STK33: variants seen among roughly 807,000 people sequenced by gnomAD.
STK33 encodes the protein serine/threonine kinase 33.
STK33 carries 52 observed loss-of-function variants against 58.0 expected under a neutral mutation model. The observed-to-expected ratio is 0.90, with a 90% CI of 0.72 to 1.13. The LOEUF (loss-of-function observed/expected upper bound fraction) is 1.13. STK33 is among the 50% of genes most tolerant of loss of function. The probability of loss-of-function intolerance (pLI) is 0.00; values close to 1 mark genes in which losing one functional copy is unlikely to be tolerated. For missense variants in STK33, 630 were observed against 604.2 expected, an observed-to-expected ratio of 1.04 and a Z score of -0.45; for synonymous variants, 215 against 200.1, an observed-to-expected ratio of 1.07 and a Z score of -0.63.
intron 2 of STK33, among the ~76,000 whole-genome samples, chr11:8,477,534 T>C (rs553301732): frequency 3.8e-4 from 58 of 152,312 alleles, no homozygotes; most frequent in African/African-American, 1.3e-3. Context: ...TTTATTTAAC[T>C]GCAGCTGAGT....
intron 7 of STK33, among the ~76,000 whole-genome samples, chr11:8,464,265 G>C (rs1947903926): frequency 6.6e-6 from 1 of 152,194 alleles, no homozygotes; most frequent in Non-Finnish European, 1.5e-5. Context: ...GGTTCAACAT[G>C]AAAGAGCAGG....
At chr11:8,586,045 C>T (rs756713921) in intron 1 of STK33, among the ~76,000 whole-genome samples, 16 of 151,590 alleles carry the variant, frequency 1.1e-4, no homozygotes, top group Non-Finnish European at 2.1e-4. Context: ...AAGAGCAAAA[C>T]TCCATCTCAA....
chr11:8,353,213 C>T, the STK33 span, among the ~76,000 whole-genome samples: 2 of 152,188 alleles, frequency 1.3e-5, no homozygotes, highest in African/African-American at 4.8e-5. Context: ...CCTCAGGACC[C>T]AGGGCTCACA....
At chr11:8,354,839 C>A in the STK33 span, among the ~76,000 whole-genome samples, 2 of 152,174 alleles carry the variant, frequency 1.3e-5, no homozygotes, top group Non-Finnish European at 1.5e-5. Context: ...GGGTTGCTGG[C>A]TGGGCGCCGG....
At chr11:8,558,256 T>G (rs1956896734) in intron 1 of STK33, among the ~76,000 whole-genome samples, 1 of 152,136 alleles carries the variant, frequency 6.6e-6, no homozygotes, top group African/African-American at 2.4e-5. Flanking sequence ...CAGCATAAAT[T>G]TGTTCAAAGA....
intron 1 of STK33, among the ~76,000 whole-genome samples, chr11:8,532,123 T>C (rs1228115699): frequency 6.6e-6 from 1 of 152,204 alleles, no homozygotes; most frequent in African/African-American, 2.4e-5. Flanking sequence ...TAAACACACA[T>C]TCCTGGGCCC....
intron 1 of STK33, among the ~76,000 whole-genome samples, chr11:8,556,863 G>A (rs533291043): frequency 2.0e-5 from 3 of 152,270 alleles, no homozygotes; most frequent in South Asian, 4.1e-4. Context: ...GAATGAAGAA[G>A]AGAAGAACAG....
intron 6 of STK33, among the ~76,000 whole-genome samples, chr11:8,467,845 T>C (rs1026492067): frequency 1.3e-5 from 2 of 152,056 alleles, no homozygotes; most frequent in Admixed American, 1.3e-4. Context: ...CTTGGGAGGC[T>C]GAGGCACACG....
At chr11:8,377,928 C>T in the STK33 span, among the ~76,000 whole-genome samples, 3 of 152,238 alleles carry the variant, frequency 2.0e-5, no homozygotes, top group South Asian at 4.1e-4. Context: ...AAGAGAACTA[C>T]AAAAACTGCT....
At chr11:8,434,975 G>A (rs115800069) in intron 14 of STK33, among the ~76,000 whole-genome samples, 2 of 152,318 alleles carry the variant, frequency 1.3e-5, no homozygotes, top group African/African-American at 4.8e-5. Context: ...ATGTTCGGGT[G>A]CAGGGATACG....
intron 1 of STK33, among the ~76,000 whole-genome samples, chr11:8,512,354 G>T (rs1952403731): frequency 6.6e-6 from 1 of 151,938 alleles, no homozygotes; most frequent in African/African-American, 2.4e-5. Context: ...ATCAACCAGA[G>T]TCTCTAAAAA....
rs200899066 is a variant in STK33, at chr11:8,474,771, T to C, written c.135A>G (p.Thr45=). ...PPVLVVEMSQ[T]SSIGSAESLI... Reference sequence around the variant, plus strand: ...AAGATTCTGCACTACCAATGCTTGATGTCTGTGACATTTCCACCACCAAAA... The same window carrying C: ...AAGATTCTGCACTACCAATGCTTGACGTCTGTGACATTTCCACCACCAAAA... Residue 45 remains threonine, a synonymous_variant, in exon 5 of 16, where the codon ACA becomes ACG. Coordinates refer to ENST00000687296, the MANE Select transcript of STK33 (RefSeq NM_001352389.2). 42 of 1,613,730 alleles carry C rather than the reference T, an allele frequency of 2.6e-5. 1 individual carries two copies. In the South Asian group the frequency reaches 4.1e-4, roughly 16 times the overall value.
At chr11:8,476,363 A>G (rs147812858) in intron 4 of STK33, among the ~76,000 whole-genome samples, 157 of 152,372 alleles carry the variant, frequency 1.0e-3, no homozygotes, top group African/African-American at 3.7e-3. Flanking sequence ...GAAAAACATA[A>G]TTAAAGAGTA....
chr11:8,459,849 A>G (rs962149361), intron 8 of STK33, among the ~76,000 whole-genome samples: 4 of 152,178 alleles, frequency 2.6e-5, no homozygotes, highest in African/African-American at 9.7e-5. Flanking sequence ...ATGAATCAAC[A>G]CATGTGTATG....
intron 15 of STK33, among the ~76,000 whole-genome samples, chr11:8,406,113 AGGCTGGGTGACAGAGCGAGACT>A (rs1939130364): frequency 7.3e-6 from 1 of 137,370 alleles, no homozygotes; most frequent in Non-Finnish European, 1.5e-5. Context: ...ACCGCACTCC[AGGCTGGGTGACAGAGCGAGACT>A]CCGTCTCAAA....
At chr11:8,578,582 T>C (rs556696767) in intron 1 of STK33, among the ~76,000 whole-genome samples, 3 of 151,864 alleles carry the variant, frequency 2.0e-5, no homozygotes, top group Non-Finnish European at 2.9e-5. Context: ...GTATACCACA[T>C]ATGTACATTT....
chr11:8,460,945 G>C (rs1484520921), intron 8 of STK33, among the ~76,000 whole-genome samples: 2 of 152,170 alleles, frequency 1.3e-5, no homozygotes, highest in African/African-American at 4.8e-5. Flanking sequence ...TACTACCTTA[G>C]AGACTGGCCT....
intron 1 of STK33, among the ~76,000 whole-genome samples, chr11:8,537,923 A>C (rs1252711909): frequency 6.6e-6 from 1 of 151,812 alleles, no homozygotes; most frequent in East Asian, 1.9e-4. Context: ...ATGGTGGCTC[A>C]TGCCTGTAAT....
chr11:8,414,337 T>C (rs1419328238), intron 14 of STK33, among the ~76,000 whole-genome samples: 3 of 152,178 alleles, frequency 2.0e-5, no homozygotes, highest in African/African-American at 7.2e-5. Context: ...CCCCATGTAA[T>C]GTGCCAAGAA....
Sources: gnomAD v4.1 joint callset for allele counts (sites outside exome capture counted in the v4.1 genomes callset) on GRCh38, gnomAD v4.1.1 for gene constraint, MANE v1.5 for transcripts, NCBI Gene and HGNC (gene_info 2026-07-23, HGNC 2026-07-21) for gene names.